NOL4L: variants seen among roughly 807,000 people sequenced by gnomAD.
NOL4L encodes the protein nucleolar protein 4 like.
Under a neutral mutation model 64.5 loss-of-function variants are expected in NOL4L, and 7 were observed. That is an observed-to-expected ratio of 0.11 (90% CI 0.06 to 0.20). NOL4L has a LOEUF of 0.20. NOL4L is among the 10% of genes least tolerant of loss of function. The pLI is 1.00. For missense variants in NOL4L, 680 were observed against 967.1 expected (o/e 0.70, Z 3.94); for synonymous variants, 413 against 401.0 (o/e 1.03, Z -0.36).
In NOL4L at chr20:32,447,524, T is replaced by G; in HGVS notation, c.*72A>C. ...TTCAAAAACAAAATGTACCAACTGGTGAGGCAGGAAGCCAGGTCCAGGCTG... is the reference window on the plus strand; with the variant it reads ...TTCAAAAACAAAATGTACCAACTGGGGAGGCAGGAAGCCAGGTCCAGGCTG... On this transcript the variant is annotated 3_prime_UTR_variant, in exon 11 of 11. Coordinates refer to ENST00000621426, the MANE Select transcript of NOL4L (RefSeq NM_001256798.2). The G allele has an allele frequency of 6.6e-7, 1 of 1,503,942 alleles. No homozygotes were observed. The highest frequency in any genetic ancestry group is 2.2e-5 in the Admixed American group (1 of 45,518). The allele number at this position is 1,503,942 out of a possible 1,614,324, so 93.2% of individuals were successfully genotyped here. A position where few individuals can be genotyped will look rare whatever the true frequency, so the allele number is the denominator to read the frequency against.
chr20:32,558,512 C>A (rs1285429218), intron 1 of NOL4L, among the ~76,000 whole-genome samples: 1 of 152,154 alleles, frequency 6.6e-6, no homozygotes, highest in African/African-American at 2.4e-5. Flanking sequence ...CTTGTTTTAC[C>A]AATGAAGAAA....
chr20:32,562,124 C>T (rs1285816340), intron 1 of NOL4L, among the ~76,000 whole-genome samples: 1 of 152,222 alleles, frequency 6.6e-6, no homozygotes, highest in Non-Finnish European at 1.5e-5. Flanking sequence ...CATTCTCACC[C>T]TAAGCACTCA....
intron 1 of NOL4L, among the ~76,000 whole-genome samples, chr20:32,560,816 T>C (rs74636840): frequency 0.035 from 5,396 of 152,320 alleles, 336 homozygotes; most frequent in African/African-American, 0.12. Flanking sequence ...GGACTGATGA[T>C]TGACAGCTCT....
intron 1 of NOL4L, chr20:32,548,750 C>A (rs1480101640): frequency 2.4e-6 from 1 of 415,072 alleles, no homozygotes; most frequent in Non-Finnish European, 4.8e-6. Context: ...CTCGCCCATG[C>A]TTGAAATGGC....
At chr20:32,581,258 C>T (rs1317247008) in intron 1 of NOL4L, among the ~76,000 whole-genome samples, 15 of 152,174 alleles carry the variant, frequency 9.9e-5, no homozygotes. Flanking sequence ...TTCTCCTCGA[C>T]CCCCGCCCTG....
intron 4 of NOL4L, among the ~76,000 whole-genome samples, chr20:32,488,672 G>T (rs74338141): frequency 6.6e-6 from 1 of 152,312 alleles, no homozygotes; most frequent in South Asian, 2.1e-4. Context: ...ACTTGGGAAT[G>T]TAAGTAGATG....
intron 1 of NOL4L, among the ~76,000 whole-genome samples, chr20:32,537,714 C>T (rs1004357077): frequency 3.3e-5 from 5 of 152,116 alleles, no homozygotes; most frequent in Non-Finnish European, 7.3e-5. Context: ...GTAGCTGCCT[C>T]TCCTAGCCAT....
chr20:32,521,992 G>A (rs1336987987), intron 2 of NOL4L, among the ~76,000 whole-genome samples: 1 of 152,250 alleles, frequency 6.6e-6, no homozygotes, highest in Non-Finnish European at 1.5e-5. Context: ...GCTTGGCCCC[G>A]CCTTCCCACA....
intron 1 of NOL4L, among the ~76,000 whole-genome samples, chr20:32,564,154 T>A (rs1017590281): frequency 6.6e-6 from 1 of 152,086 alleles, no homozygotes; most frequent in African/African-American, 2.4e-5. Context: ...CCATGACACA[T>A]CCACACAGTC....
At chr20:32,456,773 C>T (rs913612233) in intron 5 of NOL4L, among the ~76,000 whole-genome samples, 44 of 152,220 alleles carry the variant, frequency 2.9e-4, no homozygotes, top group African/African-American at 8.9e-4. Flanking sequence ...TCTCCCTTCT[C>T]CCCAGCTCCC....
In NOL4L at chr20:32,584,896, C is replaced by A; in HGVS notation, c.-6G>T. On this transcript the variant is annotated 5_prime_UTR_variant, in exon 1 of 11. Transcript: ENST00000621426. ...AGCAGCGTCGGCTTCGGCATCCTCC[C>A]GCCGCGCCCGGCGCCCTCGGGGGCG... 8.1e-7 allele frequency: 1 copy of A among 1,235,392 alleles called. No homozygotes were observed. The highest frequency in any genetic ancestry group is 1.0e-6 in the Non-Finnish European group (1 of 990,832). The allele number at this position is 1,235,392 out of a possible 1,614,324, so 76.5% of individuals were successfully genotyped here.
At chr20:32,476,235 A>ACACG (rs2015389875) in intron 4 of NOL4L, among the ~76,000 whole-genome samples, 1 of 151,030 alleles carries the variant, frequency 6.6e-6, no homozygotes. Flanking sequence ...ACACACACAC[A>ACACG]CGTTCAAAAG....
chr20:32,537,237 G>A (rs1451928402), intron 1 of NOL4L: 2 of 478,020 alleles, frequency 4.2e-6, no homozygotes, highest in Non-Finnish European at 5.5e-6. Flanking sequence ...AAGGCGCAGC[G>A]GGGTGTGGCC....
At chr20:32,447,911 G>C in intron 10 of NOL4L, 95 bp from the exon 11 acceptor site, 1 of 1,439,912 alleles carries the variant, frequency 6.9e-7, no homozygotes, top group South Asian at 1.5e-5. Flanking sequence ...CTATGGCCTA[G>C]TGCCCACTGT....
At chr20:32,583,296 CCTCA>C (rs1210267038) in intron 1 of NOL4L, among the ~76,000 whole-genome samples, 3 of 151,056 alleles carry the variant, frequency 2.0e-5, no homozygotes, top group African/African-American at 4.9e-5. Context: ...CTCGCGGCCC[CCTCA>C]CCCCGCGGGC....
intron 5 of NOL4L, among the ~76,000 whole-genome samples, chr20:32,465,955 G>A (rs1244999053): frequency 6.6e-6 from 1 of 151,984 alleles, no homozygotes; most frequent in Non-Finnish European, 1.5e-5. Context: ...GGCCCCACTG[G>A]GCCAGGCTCA....
chr20:32,541,274 G>A (rs978262420), intron 1 of NOL4L, among the ~76,000 whole-genome samples: 5 of 152,206 alleles, frequency 3.3e-5, no homozygotes, highest in African/African-American at 1.2e-4. Context: ...GAATAAGCAA[G>A]TGGCCTCATG....
Position 32,447,768 on chromosome 20 carries a change from G to T in NOL4L, c.1871C>A (p.Thr624Asn), listed in dbSNP as rs749152465. 120 of 1,586,034 alleles carry T rather than the reference G, an allele frequency of 7.6e-5. No homozygotes were observed. Among genetic ancestry groups the T allele is most frequent in the Non-Finnish European group, 9.5e-5 (111 of 1,162,796 alleles). The change falls in exon 11 of 11, where the codon ACC becomes AAC. Residue 624 changes from threonine (T) to asparagine (N), a missense_variant. Coordinates refer to ENST00000621426, the MANE Select transcript of NOL4L (RefSeq NM_001256798.2). ...GGTGCTGGAGGGGGTGGGCGTGGGG[G>T]TGGTGGAGGTGGTAGAGGCCCCGCC... ...MKGGASTTSTTPTPTPSSTST... is the reference protein window; with the variant it reads ...MKGGASTTSTNPTPTPSSTST...
chr20:32,509,744 A>G (rs1336927010), intron 4 of NOL4L: 1 of 1,272,644 alleles, frequency 7.9e-7, no homozygotes, highest in East Asian at 5.7e-5. Context: ...TTTGTTAGTG[A>G]GAGATCGCAA....
Sources: gnomAD v4.1 joint callset for allele counts (sites outside exome capture counted in the v4.1 genomes callset) on GRCh38, gnomAD v4.1.1 for gene constraint, MANE v1.5 for transcripts, NCBI Gene and HGNC (gene_info 2026-07-23, HGNC 2026-07-21) for gene names.